HPSE2: variants seen among roughly 807,000 people sequenced by gnomAD.
The protein encoded by HPSE2 is inactive heparanase-2.
A neutral mutation model predicts 60.5 loss-of-function variants in HPSE2; 38 were observed. The ratio of observed to expected loss-of-function variants is 0.63; its 90% CI spans 0.48 to 0.82. The LOEUF (loss-of-function observed/expected upper bound fraction) is 0.82, where lower values mean the gene tolerates loss of function less well. Among genes scored for constraint, HPSE2 ranks in the 40% least tolerant of loss-of-function variants. The pLI, the probability that HPSE2 is intolerant of heterozygous loss-of-function variation, is 0.00. For missense variants in HPSE2, 713 were observed against 740.4 expected, an observed-to-expected ratio of 0.96 and a Z score of 0.43; for synonymous variants, 295 against 293.2, an observed-to-expected ratio of 1.01 and a Z score of -0.06.
In HPSE2 at chr10:99,126,455, A is replaced by G. The variant is rs1845168110; in HGVS notation, c.610+17783T>C. Among the ~76,000 whole-genome samples, 10 of 152,178 alleles carry G rather than the reference A, an allele frequency of 6.6e-5. No homozygotes were observed. Among genetic ancestry groups the G allele is most frequent in the Non-Finnish European group, 1.5e-5 (1 of 68,036 alleles). On this transcript the variant is annotated intron_variant, in intron 3 of 11. Transcript: ENST00000370552. This position sits in a 1 kb window ranked among gnomAD's most constrained non-coding sequence, Gnocchi z 4.0. The stretch of plus-strand genomic sequence containing the variant: ...GAAACCAGAATAGTTACCCTGGCCA[A>G]TGTATGGCAAGCGTAGATCTCCTTA...
At chr10:98,578,044 A>G (rs1463354999) in intron 9 of HPSE2, among the ~76,000 whole-genome samples, 1 of 152,174 alleles carries the variant, frequency 6.6e-6, no homozygotes, top group Non-Finnish European at 1.5e-5. Flanking sequence ...CTTCTTGTAC[A>G]TCTTTAAAGA....
At chr10:99,140,700 C>T (rs1845835223) in intron 3 of HPSE2, among the ~76,000 whole-genome samples, 4 of 152,132 alleles carry the variant, frequency 2.6e-5, no homozygotes, top group African/African-American at 9.7e-5. Context: ...CAACTGAATT[C>T]GAACCCATAA....
intron 11 of HPSE2, among the ~76,000 whole-genome samples, chr10:98,466,940 A>T (rs1001207345): frequency 1.6e-4 from 25 of 152,104 alleles, no homozygotes; most frequent in African/African-American, 6.0e-4. Context: ...TACTTCTCCA[A>T]CCGCCAAGAG....
intron 5 of HPSE2, among the ~76,000 whole-genome samples, chr10:98,698,570 A>C (rs1948302403): frequency 6.6e-6 from 1 of 152,126 alleles, no homozygotes; most frequent in Non-Finnish European, 1.5e-5. Context: ...CTAACATCCC[A>C]ATTAAAAGAA....
At chr10:98,888,415 A>G (rs1953235234) in intron 3 of HPSE2, among the ~76,000 whole-genome samples, 1 of 152,168 alleles carries the variant, frequency 6.6e-6, no homozygotes, top group South Asian at 2.1e-4. Context: ...ATTATAATTG[A>G]CTATCCTAAT....
the HPSE2 span, among the ~76,000 whole-genome samples, chr10:99,303,264 G>A: frequency 6.6e-6 from 1 of 152,126 alleles, no homozygotes; most frequent in Admixed American, 6.5e-5. Context: ...CCTTTCATGT[G>A]TAAAGATGGC....
chr10:98,535,795 T>G (rs1041525820), intron 9 of HPSE2, among the ~76,000 whole-genome samples: 5 of 152,140 alleles, frequency 3.3e-5, no homozygotes, highest in African/African-American at 1.2e-4. Context: ...GCCTGCCTCT[T>G]CATTAGACCT....
At chr10:98,793,340 A>T (rs972679417) in intron 3 of HPSE2, among the ~76,000 whole-genome samples, 1 of 152,220 alleles carries the variant, frequency 6.6e-6, no homozygotes. Context: ...CATAAAATCA[A>T]CTGGCTATTG....
At chr10:98,556,379 A>G (rs1944008540) in intron 9 of HPSE2, among the ~76,000 whole-genome samples, 1 of 152,214 alleles carries the variant, frequency 6.6e-6, no homozygotes, top group Non-Finnish European at 1.5e-5. Context: ...TTAGAATAGG[A>G]GAAAGAAAAC....
intron 11 of HPSE2, among the ~76,000 whole-genome samples, chr10:98,465,811 G>C (rs1301690400): frequency 6.6e-6 from 1 of 152,188 alleles, no homozygotes; most frequent in Non-Finnish European, 1.5e-5. Context: ...TAATTCCCTA[G>C]CTTGCCTGAA....
intron 3 of HPSE2, among the ~76,000 whole-genome samples, chr10:99,124,156 C>A (rs1159995578): frequency 6.6e-6 from 1 of 152,184 alleles, no homozygotes; most frequent in East Asian, 1.9e-4. Context: ...GAGAGGAGAC[C>A]TGGAGTGGGT....
rs1327386836 is a variant in HPSE2, at chr10:98,989,412, T to C, written c.610+154826A>G. Reference sequence around the variant, plus strand: ...ATCGCAAGGACAAAAAACCAAACACTGCATGTTCTCACTCATAGGTGGGAA... The same window carrying C: ...ATCGCAAGGACAAAAAACCAAACACCGCATGTTCTCACTCATAGGTGGGAA... On this transcript the variant is annotated intron_variant, in intron 3 of 11. Transcript: ENST00000370552. Among the ~76,000 whole-genome samples the C allele has an allele frequency of 6.0e-5, 9 of 149,646 alleles. No individual in the cohort carries two copies. In the South Asian group the frequency reaches 1.9e-3, roughly 31 times the overall value.
At chr10:99,073,156 T>C (rs1430722217) in intron 3 of HPSE2, among the ~76,000 whole-genome samples, 2 of 152,066 alleles carry the variant, frequency 1.3e-5, no homozygotes, top group African/African-American at 2.4e-5. Context: ...AATCATTCTA[T>C]TACAAAGATG....
intron 3 of HPSE2, among the ~76,000 whole-genome samples, chr10:98,888,611 G>A (rs767702179): frequency 1.3e-5 from 2 of 152,124 alleles, no homozygotes; most frequent in Non-Finnish European, 2.9e-5. Flanking sequence ...GTGAAGGTAT[G>A]TTACGCACAA....
chr10:99,305,953 TCACA>T, the HPSE2 span, among the ~76,000 whole-genome samples: 1 of 24,848 alleles, frequency 4.0e-5, no homozygotes, highest in East Asian at 7.8e-4. Context: ...ATATCCAAAC[TCACA>T]CACACGCGCG....
At chr10:99,026,045 AG>A (rs1957370393) in intron 3 of HPSE2, among the ~76,000 whole-genome samples, 2 of 152,160 alleles carry the variant, frequency 1.3e-5, no homozygotes, top group Admixed American at 1.3e-4. Flanking sequence ...GAACACAGGA[AG>A]GAAAAAAAAG....
At chr10:99,200,712 T>C (rs550612681) in intron 2 of HPSE2, among the ~76,000 whole-genome samples, 2 of 152,226 alleles carry the variant, frequency 1.3e-5, no homozygotes, top group African/African-American at 4.8e-5. Flanking sequence ...AACAGGGCCA[T>C]TCACTCACCC....
At chr10:98,805,224 G>C (rs1951015068) in intron 3 of HPSE2, among the ~76,000 whole-genome samples, 1 of 152,000 alleles carries the variant, frequency 6.6e-6, no homozygotes, top group Non-Finnish European at 1.5e-5. Flanking sequence ...CTAAGCTGTG[G>C]GAGTTATTTA....
intron 7 of HPSE2, among the ~76,000 whole-genome samples, chr10:98,623,670 C>T (rs927481679): frequency 2.0e-5 from 3 of 152,098 alleles, no homozygotes; most frequent in Non-Finnish European, 4.4e-5. Context: ...ACTTCAATAT[C>T]TTCATCCACA....
Sources: gnomAD v4.1 joint callset for allele counts (sites outside exome capture counted in the v4.1 genomes callset) on GRCh38, gnomAD v4.1.1 for gene constraint, Gnocchi (gnomAD v3.1) non-coding constraint, MANE v1.5 for transcripts, NCBI Gene and HGNC (gene_info 2026-07-23, HGNC 2026-07-21) for gene names.